Variants in GALNT18 observed in about 807,000 individuals in gnomAD.
GALNT18 encodes the protein polypeptide N-acetylgalactosaminyltransferase 18, also known as GalNAc-transferase 18.
GALNT18 carries 44 observed loss-of-function variants against 69.5 expected under a neutral mutation model. The observed-to-expected ratio is 0.63, with a 90% CI of 0.50 to 0.81. The LOEUF is 0.81. Ranked by LOEUF, GALNT18 falls within the 40% of genes least tolerant of loss-of-function variation. The probability of loss-of-function intolerance (pLI) is 0.00; values close to 1 mark genes in which losing one functional copy is unlikely to be tolerated. For missense variants in GALNT18, 715 were observed against 810.0 expected (o/e 0.88, Z 1.42); for synonymous variants, 364 against 318.2 (o/e 1.14, Z -1.53).
intron 10 of GALNT18, among the ~76,000 whole-genome samples, chr11:11,282,433 G>A (rs779544520): frequency 1.3e-5 from 2 of 152,222 alleles, no homozygotes; most frequent in Non-Finnish European, 2.9e-5. Flanking sequence ...GAGAGGTAGA[G>A]AGAATAATTA....
intron 1 of GALNT18, among the ~76,000 whole-genome samples, chr11:11,531,364 C>A (rs539343244): frequency 1.6e-4 from 24 of 152,308 alleles, no homozygotes; most frequent in Non-Finnish European, 2.9e-4. Context: ...ACTGCCTGTT[C>A]CCCTCATCCT....
intron 1 of GALNT18, among the ~76,000 whole-genome samples, chr11:11,588,181 C>T (rs1859271200): frequency 6.6e-6 from 1 of 152,158 alleles, no homozygotes; most frequent in South Asian, 2.1e-4. Flanking sequence ...CCAACCTTCC[C>T]TCACACTTTC....
chr11:11,360,899 C>T (rs1193169236), intron 6 of GALNT18, among the ~76,000 whole-genome samples: 5 of 152,158 alleles, frequency 3.3e-5, no homozygotes, highest in African/African-American at 1.2e-4. Flanking sequence ...AAAAATACCA[C>T]ATAAAAGGTG....
At chr11:11,515,310 T>C (rs927847342) in intron 1 of GALNT18, among the ~76,000 whole-genome samples, 7 of 125,552 alleles carry the variant, frequency 5.6e-5, no homozygotes, top group Admixed American at 2.1e-4. Context: ...TCCCATTTTA[T>C]AGACAAATAG....
chr11:11,379,311 G>T, intron 3 of GALNT18, 47 bp from the exon 4 acceptor site: 1 of 1,542,392 alleles, frequency 6.5e-7, no homozygotes, highest in Non-Finnish European at 8.8e-7. Flanking sequence ...AGGTCAGGAG[G>T]CAGAGGGGGC....
chr11:11,279,103 C>CT (rs1849011636), intron 10 of GALNT18, among the ~76,000 whole-genome samples: 1 of 152,184 alleles, frequency 6.6e-6, no homozygotes, highest in Non-Finnish European at 1.5e-5. Flanking sequence ...TCTCTCCGCT[C>CT]TGAGTCTACA....
rs902346925 is a variant in GALNT18 at position 11,591,488 on chromosome 11, A to G, written c.235+29871T>C. ...TCATTTGTAAATGCAAATTATTCCA[A>G]TCACATCCTTCCAATTTTATAGGCA... On this transcript the variant is annotated intron_variant, in intron 1 of 10. Coordinates refer to ENST00000227756, the MANE Select transcript of GALNT18 (RefSeq NM_198516.3). This position sits in a 1 kb window ranked among gnomAD's most constrained non-coding sequence, Gnocchi z 4.8. Among the ~76,000 whole-genome samples, 3 of 152,124 alleles carry G rather than the reference A, an allele frequency of 2.0e-5. No individual in the cohort carries two copies. Among genetic ancestry groups the G allele is most frequent in the Admixed American group, 1.3e-4 (2 of 15,274 alleles).
At chr11:11,609,128 T>G (rs900362211) in intron 1 of GALNT18, among the ~76,000 whole-genome samples, 1 of 152,192 alleles carries the variant, frequency 6.6e-6, no homozygotes, top group African/African-American at 2.4e-5. Context: ...CCAAGAGAAG[T>G]ACCCAGGAAG....
chr11:11,292,821 G>T (rs1011656142), intron 10 of GALNT18, among the ~76,000 whole-genome samples: 3 of 152,156 alleles, frequency 2.0e-5, no homozygotes, highest in Non-Finnish European at 2.9e-5. Flanking sequence ...TATCACAGGG[G>T]TCAATAGTCA....
rs1157334591 is a variant in GALNT18, at chr11:11,505,711, T to C, written c.236-56775A>G. Among the ~76,000 whole-genome samples the C allele has an allele frequency of 6.6e-6, 1 of 152,208 alleles. No homozygotes were observed. The highest frequency in any genetic ancestry group is 1.5e-5 in the Non-Finnish European group (1 of 68,038). Reference sequence around the variant, plus strand: ...CTGATTTAATACCACACTCGCTTCCTCCTGCAAACTCTTGCTGCTTCCTCC... The same window carrying C: ...CTGATTTAATACCACACTCGCTTCCCCCTGCAAACTCTTGCTGCTTCCTCC... On this transcript the variant is annotated intron_variant, in intron 1 of 10. Coordinates refer to ENST00000227756, the MANE Select transcript of GALNT18 (RefSeq NM_198516.3). This position sits in a 1 kb window ranked among gnomAD's most constrained non-coding sequence, Gnocchi z 4.6.
chr11:11,370,182 C>T (rs755108422), intron 6 of GALNT18, among the ~76,000 whole-genome samples: 5 of 152,134 alleles, frequency 3.3e-5, no homozygotes, highest in Admixed American at 1.3e-4. Flanking sequence ...TTAGTAATTG[C>T]GCAAACAACT....
At chr11:11,395,746 A>G (rs1210155569) in intron 3 of GALNT18, among the ~76,000 whole-genome samples, 1 of 152,218 alleles carries the variant, frequency 6.6e-6, no homozygotes, top group African/African-American at 2.4e-5. Flanking sequence ...CAGGACAGAA[A>G]CAAGCAGCAG....
In GALNT18 at chr11:11,372,053, G is replaced by A. The variant is rs983556168; in HGVS notation, c.1092+462C>T. Among the ~76,000 whole-genome samples, 1 of 152,180 alleles carries A rather than the reference G, an allele frequency of 6.6e-6. No homozygotes were observed. The highest frequency in any genetic ancestry group is 1.5e-5 in the Non-Finnish European group (1 of 68,036). On this transcript the variant is annotated intron_variant, in intron 6 of 10. Coordinates refer to ENST00000227756, the MANE Select transcript of GALNT18 (RefSeq NM_198516.3). The surrounding 1 kb of genome is among the most constrained non-coding windows in gnomAD (Gnocchi z 4.9). ...CTGCATCTTGCTGTTTATACACCCT[G>A]AGTTTATTTCTCTGGGCTATCTCTT...
chr11:11,575,916 A>G (rs558109538), intron 1 of GALNT18, among the ~76,000 whole-genome samples: 30 of 152,306 alleles, frequency 2.0e-4, no homozygotes, highest in Non-Finnish European at 3.2e-4. Flanking sequence ...GAAAATAATA[A>G]CCATATATAT....
chr11:11,536,752 T>G (rs1162344645), intron 1 of GALNT18, among the ~76,000 whole-genome samples: 2 of 152,332 alleles, frequency 1.3e-5, no homozygotes, highest in East Asian at 3.9e-4. Flanking sequence ...TAATTGCGTT[T>G]AGCAAAATGA....
intron 1 of GALNT18, among the ~76,000 whole-genome samples, chr11:11,608,563 A>G (rs1259269080): frequency 6.6e-6 from 1 of 152,028 alleles, no homozygotes; most frequent in Admixed American, 6.6e-5. Flanking sequence ...GGATTTCATC[A>G]TGTTGGTCAG....
chr11:11,287,991 A>C (rs1755646629), intron 10 of GALNT18, among the ~76,000 whole-genome samples: 1 of 152,088 alleles, frequency 6.6e-6, no homozygotes, highest in Non-Finnish European at 1.5e-5. Flanking sequence ...TGTGGCAACC[A>C]AGTCCTCCTA....
intron 1 of GALNT18, among the ~76,000 whole-genome samples, chr11:11,536,987 C>T (rs1857787785): frequency 6.6e-6 from 1 of 152,246 alleles, no homozygotes; most frequent in South Asian, 2.1e-4. Flanking sequence ...TCCAGGCCAT[C>T]TCACGCAGTT....
chr11:11,455,650 T>C (rs1045762066), intron 1 of GALNT18, among the ~76,000 whole-genome samples: 1 of 151,586 alleles, frequency 6.6e-6, no homozygotes, highest in African/African-American at 2.4e-5. Flanking sequence ...AGGCTGGGGG[T>C]AGCCCATGGA....
Sources: gnomAD v4.1 joint callset for allele counts (sites outside exome capture counted in the v4.1 genomes callset) on GRCh38, gnomAD v4.1.1 for gene constraint, Gnocchi (gnomAD v3.1) non-coding constraint, MANE v1.5 for transcripts, NCBI Gene and HGNC (gene_info 2026-07-23, HGNC 2026-07-21) for gene names.